SNTG1: variants seen among roughly 807,000 people sequenced by gnomAD.
The protein encoded by SNTG1 is gamma-1-syntrophin.
SNTG1 carries 39 observed loss-of-function variants against 74.7 expected under a neutral mutation model. The ratio of observed to expected loss-of-function variants is 0.52; its 90% CI spans 0.40 to 0.68. SNTG1 has a LOEUF of 0.68. SNTG1 is among the 30% of genes least tolerant of loss of function. The pLI is 0.00. For synonymous variants in SNTG1, 254 were observed against 217.1 expected (o/e 1.17, Z -1.49); for missense variants, 685 against 609.5 (o/e 1.12, Z -1.30).
At chr8:50,153,588 A>T (rs536441608) in intron 1 of SNTG1, among the ~76,000 whole-genome samples, 1 of 152,160 alleles carries the variant, frequency 6.6e-6, no homozygotes, top group Admixed American at 6.5e-5. Flanking sequence ...TTTGGTGCGG[A>T]TGTCCTTTCT....
intron 2 of SNTG1, among the ~76,000 whole-genome samples, chr8:50,378,308 C>A (rs1206593438): frequency 6.6e-6 from 1 of 152,192 alleles, no homozygotes. Context: ...TTTGGAGATG[C>A]CAGGAACCAC....
At chr8:49,985,291 C>T (rs574992570) in intron 1 of SNTG1, among the ~76,000 whole-genome samples, 1 of 152,088 alleles carries the variant, frequency 6.6e-6, no homozygotes, top group African/African-American at 2.4e-5. Context: ...AGGTGCGCAT[C>T]GCCATGCCTG....
chr8:50,674,656 C>G (rs1258322629), intron 15 of SNTG1, among the ~76,000 whole-genome samples: 1 of 151,876 alleles, frequency 6.6e-6, no homozygotes, highest in East Asian at 1.9e-4. Context: ...TTTTGTGTCT[C>G]TATCTCCTTC....
At chr8:50,123,024 G>A (rs1397764684) in intron 1 of SNTG1, among the ~76,000 whole-genome samples, 1 of 142,754 alleles carries the variant, frequency 7.0e-6, no homozygotes, top group Admixed American at 7.2e-5. Context: ...CAGAAACTAA[G>A]CGGAAGCCCG....
At chr8:50,646,874 A>G (rs1479472958) in intron 13 of SNTG1, among the ~76,000 whole-genome samples, 1 of 152,170 alleles carries the variant, frequency 6.6e-6, no homozygotes, top group Non-Finnish European at 1.5e-5. Context: ...GACAGACAAT[A>G]TCTCAATGAA....
intron 13 of SNTG1, among the ~76,000 whole-genome samples, 194 bp downstream of exon 13, chr8:50,591,111 A>G (rs1486286216): frequency 6.6e-6 from 1 of 152,134 alleles, no homozygotes; most frequent in African/African-American, 2.4e-5. Flanking sequence ...ATTAAAAAGT[A>G]CTTTAAAAAT....
intron 1 of SNTG1, among the ~76,000 whole-genome samples, chr8:49,962,227 G>T (rs1332246092): frequency 1.3e-5 from 2 of 151,946 alleles, no homozygotes; most frequent in Non-Finnish European, 2.9e-5. Context: ...TGGAATGTGA[G>T]GTCAGCAAGG....
At chr8:50,513,075 G>A (rs1439194974) in intron 9 of SNTG1, among the ~76,000 whole-genome samples, 2 of 152,140 alleles carry the variant, frequency 1.3e-5, no homozygotes, top group Non-Finnish European at 2.9e-5. Flanking sequence ...TGATGATGGT[G>A]ATGTACAGAT....
At chr8:50,458,862 G>A (rs2093533266) in intron 8 of SNTG1, among the ~76,000 whole-genome samples, 1 of 152,020 alleles carries the variant, frequency 6.6e-6, no homozygotes, top group African/African-American at 2.4e-5. Flanking sequence ...CTAGTCTGTG[G>A]CTTAGTCTCT....
intron 1 of SNTG1, among the ~76,000 whole-genome samples, chr8:49,916,826 T>C (rs1806081188): frequency 6.6e-6 from 1 of 151,378 alleles, no homozygotes. Context: ...GGCACCACAG[T>C]GAGACCTCGT....
chr8:50,364,202 A>G (rs1382399567), intron 2 of SNTG1, among the ~76,000 whole-genome samples: 2 of 152,270 alleles, frequency 1.3e-5, no homozygotes, highest in East Asian at 3.9e-4. Flanking sequence ...CCCTTAATCC[A>G]TAGTTCCCCT....
intron 13 of SNTG1, among the ~76,000 whole-genome samples, chr8:50,602,035 C>A (rs1380847010): frequency 6.6e-6 from 1 of 152,010 alleles, no homozygotes; most frequent in Non-Finnish European, 1.5e-5. Flanking sequence ...TTACATTAAG[C>A]AACAGATAAT....
intron 18 of SNTG1, among the ~76,000 whole-genome samples, chr8:50,755,900 T>A (rs1585716393): frequency 1.3e-5 from 2 of 151,968 alleles, no homozygotes; most frequent in Middle Eastern, 3.4e-3. Flanking sequence ...TCTGTATATA[T>A]TCTTTGGTAA....
rs80187994 is a variant in SNTG1, at chr8:50,370,699, C to T, written c.-27-23513C>T. ...TTCTCTCCAGAGCCATCCCCACCTC[C>T]GCTCCTTTCTTCCAGACCTATAACT... On this transcript the variant is annotated intron_variant, in intron 2 of 18. Coordinates refer to ENST00000642720, the MANE Select transcript of SNTG1 (RefSeq NM_018967.5). Among the ~76,000 whole-genome samples the T allele has an allele frequency of 4.3e-3, 661 of 152,198 alleles. 12 individuals carry two copies. Among genetic ancestry groups the T allele is most frequent in the East Asian group, 0.018 (91 of 5,146 alleles).
At chr8:49,916,567 AC>A (rs2129338239) in intron 1 of SNTG1, among the ~76,000 whole-genome samples, 1 of 152,324 alleles carries the variant, frequency 6.6e-6, no homozygotes, top group African/African-American at 2.4e-5. Context: ...TCTATGTTTA[AC>A]AAATTTACTC....
intron 8 of SNTG1, among the ~76,000 whole-genome samples, chr8:50,463,489 T>C (rs1337656940): frequency 6.6e-6 from 1 of 152,182 alleles, no homozygotes; most frequent in African/African-American, 2.4e-5. Context: ...ATTAATCTTA[T>C]TTTACATCTC....
intron 13 of SNTG1, among the ~76,000 whole-genome samples, chr8:50,631,386 TATTAC>T (rs2094996232): frequency 6.6e-6 from 1 of 152,230 alleles, no homozygotes; most frequent in African/African-American, 2.4e-5. Flanking sequence ...ATCCTGATTA[TATTAC>T]ATTATATTAT....
chr8:49,985,837 TG>T (rs1198036794), intron 1 of SNTG1, among the ~76,000 whole-genome samples: 8 of 152,196 alleles, frequency 5.3e-5, no homozygotes, highest in Admixed American at 1.3e-4. Flanking sequence ...ATTCATTCCA[TG>T]ATGATAATGA....
At chr8:50,264,841 A>G (rs554342287) in intron 2 of SNTG1, among the ~76,000 whole-genome samples, 1 of 152,170 alleles carries the variant, frequency 6.6e-6, no homozygotes, top group East Asian at 1.9e-4. Flanking sequence ...AAGGTAAGAG[A>G]ATACTATAAA....
Sources: allele counts gnomAD v4.1 joint callset (sites outside exome capture counted in the v4.1 genomes callset), GRCh38; gene constraint gnomAD v4.1.1; transcripts MANE v1.5; gene names NCBI Gene and HGNC (gene_info 2026-07-23, HGNC 2026-07-21).